PCDHA6: variants seen among roughly 807,000 people sequenced by gnomAD.
PCDHA6 encodes the protein protocadherin alpha-6.
PCDHA6 carries 55 observed loss-of-function variants against 60.3 expected under a neutral mutation model. The observed-to-expected ratio is 0.91, with a 90% CI of 0.73 to 1.14. PCDHA6 has a LOEUF of 1.14. PCDHA6 is among the 50% of genes most tolerant of loss of function. The pLI is 0.00. For synonymous variants in PCDHA6, 652 were observed against 557.9 expected, an observed-to-expected ratio of 1.17 and a Z score of -2.38; for missense variants, 1,327 against 1,256.5, an observed-to-expected ratio of 1.06 and a Z score of -0.85.
intron 1 of PCDHA6, among the ~76,000 whole-genome samples, chr5:140,837,759 C>T (rs1554136626): frequency 6.6e-6 from 1 of 151,774 alleles, no homozygotes; most frequent in Non-Finnish European, 1.5e-5. Context: ...CCACTGCAAC[C>T]TGAAAGTCCT....
chr5:140,876,948 C>T, intron 1 of PCDHA6: 2 of 1,613,572 alleles, frequency 1.2e-6, no homozygotes, highest in Non-Finnish European at 1.7e-6. Context: ...TGGTGTCCTA[C>T]TCGCTGGTGG....
chr5:140,964,857 CAA>C (rs1352009406), intron 1 of PCDHA6, among the ~76,000 whole-genome samples: 5 of 152,088 alleles, frequency 3.3e-5, no homozygotes, highest in Admixed American at 3.3e-4. Context: ...CTTGAGGAAA[CAA>C]AGAGGACAAA....
At chr5:140,850,274 G>A in intron 1 of PCDHA6, 1 of 1,595,442 alleles carries the variant, frequency 6.3e-7, no homozygotes, top group Non-Finnish European at 8.6e-7. Context: ...TGGTGGGGAA[G>A]GTGCGCGCAG....
At chr5:140,871,314 G>T in intron 1 of PCDHA6, 2 of 1,614,048 alleles carry the variant, frequency 1.2e-6, no homozygotes, top group Non-Finnish European at 1.7e-6. Flanking sequence ...GGAAGCCCAC[G>T]CTGGTGTGCT....
At chr5:140,876,753 G>A in intron 1 of PCDHA6, 2 of 1,614,246 alleles carry the variant, frequency 1.2e-6, no homozygotes, top group Non-Finnish European at 1.7e-6. Flanking sequence ...TGGTGACTGC[G>A]CGGGATGGGG....
At chr5:140,843,231 T>C in intron 1 of PCDHA6, 3 of 1,596,108 alleles carry the variant, frequency 1.9e-6, no homozygotes, top group South Asian at 1.1e-5. Flanking sequence ...ACTCGTGTCC[T>C]GGACGAAGCG....
intron 1 of PCDHA6, chr5:140,928,846 C>A: frequency 1.2e-6 from 2 of 1,614,192 alleles, no homozygotes; most frequent in Non-Finnish European, 1.7e-6. Context: ...CTCTGTCACT[C>A]TGGGTGTGCT....
intron 1 of PCDHA6, chr5:140,869,583 T>G: frequency 6.2e-7 from 1 of 1,614,152 alleles, no homozygotes; most frequent in Non-Finnish European, 8.5e-7. Flanking sequence ...CTTCTGATGC[T>G]GACATTGAAG....
rs1380751702 is a variant in PCDHA6 at position 140,855,145 on chromosome 5, A to C, written c.2394+24660A>C. On this transcript the variant is annotated intron_variant, in intron 1 of 3. Transcript: ENST00000529310. Reference sequence around the variant, plus strand: ...AGGTAATAATTTTGCCTGATGAGCCAAATTTGGTATTGAGCCTCATGAAAA... The same window carrying C: ...AGGTAATAATTTTGCCTGATGAGCCCAATTTGGTATTGAGCCTCATGAAAA... Among the ~76,000 whole-genome samples, 3 of 149,972 alleles carry C rather than the reference A, an allele frequency of 2.0e-5. 1 individual carries two copies. The East Asian group carries it at 5.8e-4, about 29-fold the overall frequency.
At chr5:140,852,582 A>ATT (rs2150518947) in intron 1 of PCDHA6, 15,949 of 691,778 alleles carry the variant, frequency 0.023, 320 homozygotes, top group Middle Eastern at 0.03. Context: ...AGGCTTTTTT[A>ATT]TTTTTTTTTT....
chr5:140,856,303 G>C (rs1554148515), intron 1 of PCDHA6: 1 of 1,598,648 alleles, frequency 6.3e-7, no homozygotes, highest in Non-Finnish European at 8.6e-7. Flanking sequence ...TTTTGTTTGT[G>C]AATTCTCGGA....
chr5:140,932,712 A>G (rs1025750078), intron 1 of PCDHA6, among the ~76,000 whole-genome samples: 4 of 151,972 alleles, frequency 2.6e-5, no homozygotes, highest in African/African-American at 9.6e-5. Context: ...AGACAACACA[A>G]TAATATTGTA....
intron 1 of PCDHA6, among the ~76,000 whole-genome samples, chr5:140,956,909 A>C (rs1395848380): frequency 2.0e-5 from 3 of 152,198 alleles, no homozygotes; most frequent in African/African-American, 7.2e-5. Context: ...TAAATGTATA[A>C]ACTTTAATCT....
chr5:140,884,656 G>T (rs782439139), intron 1 of PCDHA6: 8 of 1,602,178 alleles, frequency 5.0e-6, no homozygotes, highest in Non-Finnish European at 6.8e-6. Flanking sequence ...CAGAATGCTT[G>T]AAAGAGGTAA....
chr5:140,904,047 A>C (rs1554191240), intron 1 of PCDHA6, among the ~76,000 whole-genome samples: 1 of 152,164 alleles, frequency 6.6e-6, no homozygotes, highest in Admixed American at 6.6e-5. Flanking sequence ...TAATTTTTTT[A>C]TTTCAATGGG....
At chr5:140,835,352 C>A (rs2150234415) in intron 1 of PCDHA6, 3 of 1,613,802 alleles carry the variant, frequency 1.9e-6, no homozygotes, top group South Asian at 1.1e-5. Flanking sequence ...TCGAGGCTGT[C>A]GATAAAGGCT....
intron 1 of PCDHA6, chr5:140,852,195 C>A: frequency 2.8e-6 from 2 of 709,280 alleles, no homozygotes; most frequent in African/African-American, 1.9e-5. Context: ...ATGCCAGTAA[C>A]GTTTATTTAA....
Position 140,841,880 on chromosome 5 carries a change from G to A in PCDHA6, c.2394+11395G>A. 2.2e-5 allele frequency: 36 copies of A among 1,613,826 alleles called. 2 individuals are homozygous for A. Among genetic ancestry groups the A allele is most frequent in the Non-Finnish European group, 3.1e-5 (36 of 1,179,824 alleles). ...CATGCTAGATGTGAATTCAAAGAAC[G>A]ATGAGAATAAACTGGTTGAGCTCGT... On this transcript the variant is annotated intron_variant, in intron 1 of 3. Coordinates refer to ENST00000529310, the MANE Select transcript of PCDHA6 (RefSeq NM_018909.4).
chr5:141,007,037 T>C (rs1413139986), intron 3 of PCDHA6, among the ~76,000 whole-genome samples: 1 of 152,170 alleles, frequency 6.6e-6, no homozygotes, highest in Non-Finnish European at 1.5e-5. Flanking sequence ...TTTATATCTA[T>C]GGATATGGCT....
Sources: allele counts gnomAD v4.1 joint callset (sites outside exome capture counted in the v4.1 genomes callset), GRCh38; gene constraint gnomAD v4.1.1; transcripts MANE v1.5; gene names NCBI Gene and HGNC (gene_info 2026-07-23, HGNC 2026-07-21).